The following TATDN1 variants were observed in gnomAD, a reference collection of about 807,000 sequenced individuals.
TATDN1 encodes deoxyribonuclease TATDN1.
A neutral mutation model predicts 46.4 loss-of-function variants in TATDN1; 40 were observed. The ratio of observed to expected loss-of-function variants is 0.86; its 90% CI spans 0.67 to 1.12. The LOEUF is 1.12. Ranked by LOEUF, TATDN1 falls within the 50% of genes most tolerant of loss-of-function variation. TATDN1 has a pLI of 0.00. For synonymous variants in TATDN1, 95 were observed against 105.6 expected (o/e 0.90, Z 0.62); for missense variants, 326 against 348.4 (o/e 0.94, Z 0.51).
Position 124,522,968 on chromosome 8 carries a change from T to G in TATDN1, c.57A>C (p.Arg19Ser). ...IGINLTDPMFRGIYRGVQKHQ... is the reference protein window; with the variant it reads ...IGINLTDPMFSGIYRGVQKHQ... ...GCTTTTGAACCCCCCTATAAATTCC[T>G]CTGAACATAGGGTCAGTCAAGTTGA... is the stretch of plus-strand genomic sequence containing the variant. Residue 19 changes from arginine to serine, a missense_variant, in exon 2 of 12, where the codon AGA (arginine) becomes AGC (serine). Transcript: ENST00000276692. 1 of 1,613,362 alleles carries G rather than the reference T, an allele frequency of 6.2e-7. No individual in the cohort carries two copies. Among genetic ancestry groups the G allele is most frequent in the Non-Finnish European group, 8.5e-7 (1 of 1,179,750 alleles).
chr8:124,513,231 T>C (rs767059822), intron 6 of TATDN1, among the ~76,000 whole-genome samples: 11 of 152,092 alleles, frequency 7.2e-5, no homozygotes, highest in Admixed American at 1.3e-4. Context: ...AACCAAGTCA[T>C]TTGATGTTTT....
At chr8:124,495,313 A>G in intron 10 of TATDN1, 159 bp downstream of exon 10, 1 of 634,568 alleles carries the variant, frequency 1.6e-6, no homozygotes, top group Middle Eastern at 3.4e-4. Flanking sequence ...TTTTCCATTA[A>G]TAACCCCCAA....
At chr8:124,529,117 A>G (rs1268157757) in intron 1 of TATDN1, among the ~76,000 whole-genome samples, 1 of 152,194 alleles carries the variant, frequency 6.6e-6, no homozygotes, top group Non-Finnish European at 1.5e-5. Flanking sequence ...GCTTCAAGCT[A>G]GCCCACACCC....
rs896058782 is a variant in TATDN1 at position 124,538,791 on chromosome 8, A to T, written c.22+234T>A. 1.0e-5 allele frequency: 6 copies of T among 597,562 alleles called. No individual in the cohort carries two copies. The African/African-American group carries it at 1.1e-4, about 11-fold the overall frequency. The allele number at this position is 597,562 out of a possible 1,614,324, so 37.0% of individuals were successfully genotyped here. A position where few individuals can be genotyped will look rare whatever the true frequency, so the allele number is the denominator to read the frequency against. ...AGATGTTGAAAACAGCACAAAAATC[A>T]TAACTGTACGGCTTGTTAATTTTTA... is the stretch of plus-strand genomic sequence containing the variant. On this transcript the variant is annotated intron_variant, in intron 1 of 11. Transcript: ENST00000276692.
intron 10 of TATDN1, 113 bp from the exon 11 acceptor site, chr8:124,494,072 G>A: frequency 1.9e-6 from 2 of 1,035,372 alleles, no homozygotes; most frequent in Non-Finnish European, 1.3e-6. Flanking sequence ...CTTCCAAAAT[G>A]GCACAGTTAT....
chr8:124,508,512 T>C lies in TATDN1; in HGVS notation c.478A>G (p.Ile160Val), dbSNP rs754212155. Residue 160 changes from isoleucine (I) to valine (V), a missense_variant and splice_region_variant, in exon 8 of 12, where the codon ATA becomes GTA. By Grantham distance (29) the Ile-to-Val change is conservative. Transcript: ENST00000276692. Reference sequence around the variant, plus strand: ...CACCGATCTCTATTTCTTTTCATTATGTCTGTGAATTAAAAACAAAGAACT... The same window carrying C: ...CACCGATCTCTATTTCTTTTCATTACGTCTGTGAATTAAAAACAAAGAACT... ...CRNSHAEFLD[I>V]MKRNRDRCVG... The C allele has an allele frequency of 5.0e-6, 8 of 1,613,142 alleles. No individual in the cohort carries two copies. Among genetic ancestry groups the C allele is most frequent in the Non-Finnish European group, 6.8e-6 (8 of 1,179,498 alleles).
At chr8:124,490,760 T>G (rs561403246) in intron 11 of TATDN1, among the ~76,000 whole-genome samples, 8 of 151,914 alleles carry the variant, frequency 5.3e-5, no homozygotes, top group Non-Finnish European at 8.8e-5. Flanking sequence ...TTTTGTTTTT[T>G]TTTTTTGAGA....
intron 8 of TATDN1, among the ~76,000 whole-genome samples, chr8:124,506,668 C>A (rs1159576367): frequency 2.0e-5 from 3 of 152,178 alleles, no homozygotes; most frequent in African/African-American, 7.2e-5. Flanking sequence ...CAACGTCAGG[C>A]CGCATGGGAA....
chr8:124,497,868 TA>T (rs1358787430), intron 9 of TATDN1, among the ~76,000 whole-genome samples: 2 of 152,170 alleles, frequency 1.3e-5, no homozygotes, highest in African/African-American at 4.8e-5. Flanking sequence ...ATTGCTCAAA[TA>T]TATGTAGTTT....
chr8:124,505,127 G>A (rs1052045049), intron 8 of TATDN1, among the ~76,000 whole-genome samples: 4 of 151,186 alleles, frequency 2.6e-5, no homozygotes, highest in Admixed American at 6.6e-5. Context: ...GCTCACGCCT[G>A]TAACCCCAGC....
At chr8:124,505,113 A>C (rs1046270263) in intron 8 of TATDN1, among the ~76,000 whole-genome samples, 2 of 150,900 alleles carry the variant, frequency 1.3e-5, no homozygotes, top group Non-Finnish European at 3.0e-5. Flanking sequence ...GGCCAGGCGC[A>C]ATGGCTCACG....
rs869060230 is a variant in TATDN1, at chr8:124,534,145, C to CAAAAAAAAAAAAAAAA, written c.22+4864_22+4879dup. 5.1e-4 allele frequency among the ~76,000 whole-genome samples: 26 copies of CAAAAAAAAAAAAAAAA among 51,270 alleles called. 5 individuals carry two copies. Among genetic ancestry groups the CAAAAAAAAAAAAAAAA allele is most frequent in the Non-Finnish European group, 7.6e-4 (25 of 32,708 alleles). The allele number at this position is 51,270 out of a possible 152,430, so 33.6% of individuals were successfully genotyped here. ...TGGGCAACAGAGCGAGACTCCGTCT[C>CAAAAAAAAAAAAAAAA]AAAAAAAAAAAAAAAAAAAAAAAAA... On this transcript the variant is annotated intron_variant, in intron 1 of 11. Transcript: ENST00000276692.
At chr8:124,499,014 C>T (rs1463094208) in intron 9 of TATDN1, among the ~76,000 whole-genome samples, 2 of 149,264 alleles carry the variant, frequency 1.3e-5, no homozygotes, top group African/African-American at 2.5e-5. Flanking sequence ...AGACTGGTTA[C>T]GCCTATAGCT....
intron 4 of TATDN1, among the ~76,000 whole-genome samples, chr8:124,518,152 C>G (rs1268883466): frequency 7.4e-6 from 1 of 135,902 alleles, no homozygotes; most frequent in Admixed American, 8.4e-5. Context: ...GTGGCGCGCG[C>G]AGTGAGCCGA....
intron 4 of TATDN1, among the ~76,000 whole-genome samples, chr8:124,518,211 C>CAAAAA (rs374487274): frequency 8.7e-5 from 3 of 34,590 alleles, no homozygotes; most frequent in Non-Finnish European, 1.1e-4. Flanking sequence ...GACTCTATCT[C>CAAAAA]AAAAAAAAAA....
rs2131515992 is a variant in TATDN1, at chr8:124,521,320, G to C, written c.138+831C>G. On this transcript the variant is annotated intron_variant, in intron 3 of 11. Coordinates refer to ENST00000276692, the MANE Select transcript of TATDN1 (RefSeq NM_032026.4). ...CACTTCAGTTCTGTCATTCCTAAGT[G>C]TGTGTGTGTGAATAAACATTAAGAT... Among the ~76,000 whole-genome samples the C allele has an allele frequency of 1.3e-5, 2 of 151,302 alleles. 1 individual carries two copies. Among genetic ancestry groups the C allele is most frequent in the African/African-American group, 4.9e-5 (2 of 40,716 alleles).
chr8:124,498,541 C>T (rs2131368041), intron 9 of TATDN1, among the ~76,000 whole-genome samples: 1 of 151,698 alleles, frequency 6.6e-6, no homozygotes, highest in African/African-American at 2.4e-5. Context: ...TCCGATTTCA[C>T]ACTAATTCTA....
chr8:124,507,691 G>A (rs1285359986), intron 8 of TATDN1, among the ~76,000 whole-genome samples: 1 of 151,846 alleles, frequency 6.6e-6, no homozygotes, highest in African/African-American at 2.4e-5. Flanking sequence ...GGCTGAGGAT[G>A]GCTTGATCCC....
At chr8:124,520,476 TTTC>T (rs1052847581) in intron 3 of TATDN1, among the ~76,000 whole-genome samples, 2 of 151,744 alleles carry the variant, frequency 1.3e-5, no homozygotes, top group African/African-American at 4.8e-5. Context: ...TTGGGAAAAC[TTTC>T]TTGTTACTAA....
Sources: allele counts gnomAD v4.1 joint callset (sites outside exome capture counted in the v4.1 genomes callset), GRCh38; gene constraint gnomAD v4.1.1; transcripts MANE v1.5; gene names NCBI Gene and HGNC (gene_info 2026-07-23, HGNC 2026-07-21).